CCDC180: variants seen among roughly 807,000 people sequenced by gnomAD.
CCDC180 encodes the protein coiled-coil domain-containing protein 180.
A neutral mutation model predicts 209.2 loss-of-function variants in CCDC180; 154 were observed. The ratio of observed to expected loss-of-function variants is 0.74; its 90% CI spans 0.65 to 0.84. CCDC180 has a LOEUF of 0.84. Ranked by LOEUF, CCDC180 falls within the 40% of genes least tolerant of loss-of-function variation. The pLI is 0.00. For missense variants in CCDC180, 1,874 were observed against 1,997.3 expected (o/e 0.94, Z 1.18); for synonymous variants, 778 against 749.1 (o/e 1.04, Z -0.63).
intron 21 of CCDC180, among the ~76,000 whole-genome samples, chr9:97,349,754 G>C (rs1277899509): frequency 1.3e-5 from 2 of 152,224 alleles, no homozygotes; most frequent in Non-Finnish European, 2.9e-5. Context: ...GGCCATTTGG[G>C]TTATGAGATG....
At chr9:97,311,745 A>G (rs1397876273) in intron 3 of CCDC180, among the ~76,000 whole-genome samples, 13 of 152,250 alleles carry the variant, frequency 8.5e-5, no homozygotes, top group Non-Finnish European at 1.6e-4. Context: ...ATGAGGATGC[A>G]TGCCAAGAGC....
chr9:97,362,849 T>C (rs1826805076), intron 28 of CCDC180, among the ~76,000 whole-genome samples: 1 of 152,254 alleles, frequency 6.6e-6, no homozygotes, highest in Non-Finnish European at 1.5e-5. Context: ...ACTAGCTCTT[T>C]GTGTCAGCCT....
rs1005225631 is a variant in CCDC180 at position 97,377,015 on chromosome 9, G to T, written c.*121G>T. ...CATCCCTCCACCCCTGCTCTGTGCC[G>T]GGCACTGTAGCTTTACCAGCGAACA... is the stretch of plus-strand genomic sequence containing the variant. On this transcript the variant is annotated 3_prime_UTR_variant, in exon 37 of 37. Coordinates refer to ENST00000529487, the MANE Select transcript of CCDC180 (RefSeq NM_020893.6). 8.5e-7 allele frequency: 1 copy of T among 1,173,492 alleles called. No individual in the cohort carries two copies. The allele number at this position is 1,173,492 out of a possible 1,614,324, so 72.7% of individuals were successfully genotyped here.
rs1827029957 is a variant in CCDC180 at position 97,369,939 on chromosome 9, A to G, written c.4207A>G (p.Arg1403Gly). 6.2e-7 allele frequency: 1 copy of G among 1,614,054 alleles called. No individual in the cohort carries two copies. ...SCLIELRIQI[R>G]RFEELLPQVC... Reference sequence around the variant, plus strand: ...TCTGGCAGAATTACGGATCCAGATCAGGAGATTTGAGGAGCTGCTGCCCCA... The same window carrying G: ...TCTGGCAGAATTACGGATCCAGATCGGGAGATTTGAGGAGCTGCTGCCCCA... Residue 1403 changes from arginine (R) to glycine (G), a missense_variant, in exon 32 of 37, where the codon AGG becomes GGG. Transcript: ENST00000529487.
At chr9:97,320,235 A>C in intron 11 of CCDC180, 30 bp downstream of exon 11, 1 of 1,585,128 alleles carries the variant, frequency 6.3e-7, no homozygotes, top group East Asian at 2.2e-5. Context: ...CTCCACCTGC[A>C]TTTCTCCAGA....
Position 97,330,581 on chromosome 9 carries a change from G to A in CCDC180, c.2088G>A (p.Met696Ile), listed in dbSNP as rs1825709124. 24 of 1,614,022 alleles carry A rather than the reference G, an allele frequency of 1.5e-5. No homozygotes were observed. Among genetic ancestry groups the A allele is most frequent in the Non-Finnish European group, 2.0e-5 (24 of 1,180,026 alleles). ...KEGSIQGLEE[M>I]QVEREGSLNP... ...GCTCTATTCAGGGACTGGAAGAAATGCAGGTTGAAAGAGAGGGCTCCTTAA... is the reference window on the plus strand; with the variant it reads ...GCTCTATTCAGGGACTGGAAGAAATACAGGTTGAAAGAGAGGGCTCCTTAA... Residue 696 changes from methionine (M) to isoleucine (I), a missense_variant, in exon 18 of 37, where the codon ATG becomes ATA. Transcript: ENST00000529487.
Position 97,309,463 on chromosome 9 carries a change from G to A in CCDC180, c.119G>A (p.Arg40His), listed in dbSNP as rs374121300. The A allele has an allele frequency of 3.7e-5, 59 of 1,605,564 alleles. No individual in the cohort carries two copies. Among genetic ancestry groups the A allele is most frequent in the Non-Finnish European group, 3.9e-5 (46 of 1,176,302 alleles). ...LAATRKRAAE[R>H]SVTLKSGRIP... Reference sequence around the variant, plus strand: ...GCCACCAGGAAGCGGGCTGCAGAGCGTTCTGTGACCCTGAAGAGTGGCAGG... The same window carrying A: ...GCCACCAGGAAGCGGGCTGCAGAGCATTCTGTGACCCTGAAGAGTGGCAGG... Residue 40 changes from arginine to histidine, a missense_variant, in exon 3 of 37, where the codon CGT (arginine) becomes CAT (histidine). By Grantham distance (29) the Arg-to-His change is conservative (BLOSUM62 0). Coordinates refer to ENST00000529487, the MANE Select transcript of CCDC180 (RefSeq NM_020893.6).
chr9:97,358,789 C>CGGG (rs1826665640), intron 25 of CCDC180, among the ~76,000 whole-genome samples: 1 of 152,168 alleles, frequency 6.6e-6, no homozygotes, highest in Non-Finnish European at 1.5e-5. Flanking sequence ...CCAGACACCC[C>CGGG]AGCCTGAAGG....
chr9:97,317,243 C>G lies in CCDC180; in HGVS notation c.959+15C>G. The G allele has an allele frequency of 1.3e-6, 2 of 1,544,038 alleles. No individual in the cohort carries two copies. Among genetic ancestry groups the G allele is most frequent in the Non-Finnish European group, 1.8e-6 (2 of 1,134,610 alleles). On this transcript the variant is annotated intron_variant, in intron 9 of 36. Transcript: ENST00000529487. ...CAGAGTTTCAGGTCAGTGCCGCCCACACAGCTCCTTCTCCAGCCCACCAGG... is the reference window on the plus strand; with the variant it reads ...CAGAGTTTCAGGTCAGTGCCGCCCAGACAGCTCCTTCTCCAGCCCACCAGG...
At chr9:97,369,860 C>A in intron 31 of CCDC180, 62 bp from the exon 32 acceptor site, 1 of 1,570,676 alleles carries the variant, frequency 6.4e-7, no homozygotes, top group South Asian at 1.1e-5. Context: ...TTGTAGAGAT[C>A]GCCTCTGCAA....
intron 4 of CCDC180, among the ~76,000 whole-genome samples, chr9:97,312,859 C>T (rs1418767741): frequency 3.3e-5 from 5 of 152,060 alleles, no homozygotes; most frequent in Admixed American, 3.3e-4. Context: ...ACATGTGAAA[C>T]GAGGCTAGGA....
intron 8 of CCDC180, among the ~76,000 whole-genome samples, chr9:97,315,312 G>C (rs1462377325): frequency 6.6e-6 from 1 of 152,058 alleles, no homozygotes; most frequent in Non-Finnish European, 1.5e-5. Context: ...GTCATCGGGG[G>C]GCTACGGTGG....
chr9:97,346,830 A>G (rs1380086892), intron 19 of CCDC180, among the ~76,000 whole-genome samples: 4 of 152,166 alleles, frequency 2.6e-5, no homozygotes. Context: ...TCCTGCTTCC[A>G]TCTCCCAAAG....
At chr9:97,324,003 T>G in intron 13 of CCDC180, 100 bp downstream of exon 13, 2 of 1,377,714 alleles carry the variant, frequency 1.5e-6, no homozygotes, top group South Asian at 2.7e-5. Flanking sequence ...AACTTGCATG[T>G]TCCTAGTGTG....
chr9:97,338,269 G>A (rs1825969880), intron 18 of CCDC180, among the ~76,000 whole-genome samples: 1 of 152,156 alleles, frequency 6.6e-6, no homozygotes, highest in Non-Finnish European at 1.5e-5. Flanking sequence ...GTCAATTTTA[G>A]ATCTTTCATG....
chr9:97,347,234 C>A, intron 19 of CCDC180, 80 bp from the exon 20 acceptor site: 1 of 1,361,570 alleles, frequency 7.3e-7, no homozygotes, highest in South Asian at 1.4e-5. Context: ...AAGGGGGAAG[C>A]ACTTTGGGTC....
intron 19 of CCDC180, among the ~76,000 whole-genome samples, chr9:97,345,205 A>C (rs34954690): frequency 6.6e-6 from 1 of 152,116 alleles, no homozygotes; most frequent in African/African-American, 2.4e-5. Flanking sequence ...TTTCTGTTAC[A>C]TATAGAACTA....
intron 22 of CCDC180, among the ~76,000 whole-genome samples, chr9:97,353,889 C>T (rs976289402): frequency 6.6e-6 from 1 of 152,146 alleles, no homozygotes; most frequent in Admixed American, 6.5e-5. Context: ...ATCCCTTCAC[C>T]TGTGCAGTCA....
At chr9:97,354,427 TA>T in intron 22 of CCDC180, 141 bp from the exon 23 acceptor site, 1 of 807,960 alleles carries the variant, frequency 1.2e-6, no homozygotes, top group Non-Finnish European at 2.0e-6. Flanking sequence ...CTCCTGTCCT[TA>T]AGCTATCTGT....
Sources: gnomAD v4.1 joint callset for allele counts (sites outside exome capture counted in the v4.1 genomes callset) on GRCh38, gnomAD v4.1.1 for gene constraint, MANE v1.5 for transcripts, NCBI Gene and HGNC (gene_info 2026-07-23, HGNC 2026-07-21) for gene names.